ZKSCAN1: variants seen among roughly 807,000 people sequenced by gnomAD.
ZKSCAN1 encodes the protein zinc finger with KRAB and SCAN domains 1.
Under a neutral mutation model 51.6 loss-of-function variants are expected in ZKSCAN1, and 14 were observed. That is an observed-to-expected ratio of 0.27 (90% confidence interval 0.18 to 0.42). The LOEUF (loss-of-function observed/expected upper bound fraction) is 0.42. Ranked by LOEUF, ZKSCAN1 falls within the 10% of genes least tolerant of loss-of-function variation. The probability of loss-of-function intolerance (pLI) is 1.00; values close to 1 mark genes in which losing one functional copy is unlikely to be tolerated. For missense variants in ZKSCAN1, 531 were observed against 710.0 expected (o/e 0.75, Z 2.86); for synonymous variants, 263 against 261.5 (o/e 1.01, Z -0.06).
rs190179974 is a variant in ZKSCAN1 at position 100,034,056 on chromosome 7, C to T, written c.1551C>T (p.Tyr517=). ...GAATTCACACTCGAGAAAAGCCCTA[C>T]AAGTGCACTAAGTGTGGCAAGGCCT... ...HRRIHTREKP[Y]KCTKCGKAFT... Residue 517 remains tyrosine (Y), a synonymous_variant, in exon 6 of 6, where the codon TAC becomes TAT. Coordinates refer to ENST00000324306, the MANE Select transcript of ZKSCAN1 (RefSeq NM_003439.4). The T allele has an allele frequency of 2.2e-5, 36 of 1,613,988 alleles. No homozygotes were observed. The East Asian group carries it at 8.0e-4, about 36-fold the overall frequency.
In ZKSCAN1 at chr7:100,038,015, C is replaced by G; in HGVS notation, c.*3818C>G. The G allele has an allele frequency of 1.0e-6, 1 of 984,414 alleles. No homozygotes were observed. Among genetic ancestry groups the G allele is most frequent in the Non-Finnish European group, 1.2e-6 (1 of 829,636 alleles). The allele number at this position is 984,414 out of a possible 1,614,324, so 61.0% of individuals were successfully genotyped here. A position where few individuals can be genotyped will look rare whatever the true frequency, so the allele number is the denominator to read the frequency against. On this transcript the variant is annotated 3_prime_UTR_variant, in exon 6 of 6. Coordinates refer to ENST00000324306, the MANE Select transcript of ZKSCAN1 (RefSeq NM_003439.4). ...CAGCCTTGAGTGACAGAGCGAGGCT[C>G]TGTATCAAAAAAAAAAGTTGCGGGG...
chr7:100,031,775 A>G (rs1163115871), intron 5 of ZKSCAN1, among the ~76,000 whole-genome samples: 3 of 152,216 alleles, frequency 2.0e-5, no homozygotes, highest in African/African-American at 7.2e-5. Flanking sequence ...GTAGCCTGCC[A>G]GGTTCAAAAC....
At chr7:100,029,676 G>C (rs1791016516) in intron 3 of ZKSCAN1, among the ~76,000 whole-genome samples, 185 bp from the exon 4 acceptor site, 1 of 152,190 alleles carries the variant, frequency 6.6e-6, no homozygotes, top group Admixed American at 6.5e-5. Context: ...TCCTGCTCAA[G>C]AGTAGAGGTC....
chr7:100,041,181 C>G lies in ZKSCAN1; in HGVS notation c.*6984C>G. ...CTGTTTTGTCAGTTCCCAGCTTCTT[C>G]GTTTAGAATAAATTAGACCAAAAGA... is the stretch of plus-strand genomic sequence containing the variant. On this transcript the variant is annotated 3_prime_UTR_variant, in exon 6 of 6. Coordinates refer to ENST00000324306, the MANE Select transcript of ZKSCAN1 (RefSeq NM_003439.4). 2 of 727,082 alleles carry G rather than the reference C, an allele frequency of 2.8e-6. No individual in the cohort carries two copies. Among genetic ancestry groups the G allele is most frequent in the Non-Finnish European group, 3.4e-6 (2 of 594,354 alleles). 45.0% of individuals were successfully genotyped at this position (727,082 alleles called of 1,614,324 possible).
At chr7:100,031,389 C>T (rs1791099391) in intron 5 of ZKSCAN1, among the ~76,000 whole-genome samples, 1 of 151,476 alleles carries the variant, frequency 6.6e-6, no homozygotes, top group Non-Finnish European at 1.5e-5. Flanking sequence ...GCAATCCTCC[C>T]ACCTCAGCCT....
In ZKSCAN1 at chr7:100,036,426, A is replaced by C. The variant is rs1791362812; in HGVS notation, c.*2229A>C. On this transcript the variant is annotated 3_prime_UTR_variant, in exon 6 of 6. Coordinates refer to ENST00000324306, the MANE Select transcript of ZKSCAN1 (RefSeq NM_003439.4). ...GAGCAAGGACTTTTGCCCTCTAGAA[A>C]GCAACTGAGGCCAGGTGCGGTGGCT... is the stretch of plus-strand genomic sequence containing the variant. 7 of 985,332 alleles carry C rather than the reference A, an allele frequency of 7.1e-6. No homozygotes were observed. The highest frequency in any genetic ancestry group is 8.4e-6 in the Non-Finnish European group (7 of 829,956). 61.0% of individuals were successfully genotyped at this position (985,332 alleles called of 1,614,324 possible). A position where few individuals can be genotyped will look rare whatever the true frequency, so the allele number is the denominator to read the frequency against.
rs140348497 is a variant in ZKSCAN1, at chr7:100,023,114, G to A, written c.-88-305G>A. Among the ~76,000 whole-genome samples the A allele has an allele frequency of 5.0e-3, 757 of 152,122 alleles. 8 individuals carry two copies. The highest frequency in any genetic ancestry group is 0.017 in the African/African-American group (716 of 41,482). ...CAACCTCCACCTCCTGGGTTCAAGCGTTTCTCCTGCCTCAGCTTTCCGAGT... is the reference window on the plus strand; with the variant it reads ...CAACCTCCACCTCCTGGGTTCAAGCATTTCTCCTGCCTCAGCTTTCCGAGT... On this transcript the variant is annotated intron_variant, in intron 1 of 5. Transcript: ENST00000324306.
At chr7:100,029,998 C>G (rs1335254078) in intron 4 of ZKSCAN1, 46 bp downstream of exon 4, 2 of 1,599,272 alleles carry the variant, frequency 1.3e-6, no homozygotes, top group African/African-American at 1.3e-5. Flanking sequence ...GTGTCTGCCT[C>G]TGTTCCTGAG....
rs568568974 is a variant in ZKSCAN1, at chr7:100,026,608, T to G, written c.580+2301T>G. On this transcript the variant is annotated intron_variant, in intron 3 of 5. Coordinates refer to ENST00000324306, the MANE Select transcript of ZKSCAN1 (RefSeq NM_003439.4). ...AGGCGTGGTGGTGCATGCCTGTAATTCCAGTTACTCAGGAGGCTGAGGCAC... is the reference window on the plus strand; with the variant it reads ...AGGCGTGGTGGTGCATGCCTGTAATGCCAGTTACTCAGGAGGCTGAGGCAC... 1.8e-3 allele frequency among the ~76,000 whole-genome samples: 279 copies of G among 151,398 alleles called. 1 individual carries two copies. Among genetic ancestry groups the G allele is most frequent in the Non-Finnish European group, 2.8e-3 (187 of 67,766 alleles).
chr7:100,043,824 C>T (rs181176513), downstream of ZKSCAN1, among the ~76,000 whole-genome samples: 1 of 124,466 alleles, frequency 8.0e-6, no homozygotes, highest in Non-Finnish European at 1.6e-5. Context: ...TCTCTGTTGC[C>T]CAAGCTGGAG....
chr7:100,032,968 A>G (rs1373434565), intron 5 of ZKSCAN1, among the ~76,000 whole-genome samples: 1 of 150,890 alleles, frequency 6.6e-6, no homozygotes, highest in African/African-American at 2.4e-5. Flanking sequence ...AGATCACGCC[A>G]TTGCACTCCA....
Position 100,035,901 on chromosome 7 carries a change from T to TA in ZKSCAN1, c.*1705dup. On this transcript the variant is annotated 3_prime_UTR_variant, in exon 6 of 6. Transcript: ENST00000324306. ...CGCCACTCAAGTAGGACAAGGGTCCTACCCAAGGCTAGGACCGCCCTGCGG... is the reference window on the plus strand; with the variant it reads ...CGCCACTCAAGTAGGACAAGGGTCCTAACCCAAGGCTAGGACCGCCCTGCGG... The TA allele has an allele frequency of 1.0e-6, 1 of 985,448 alleles. No homozygotes were observed. The highest frequency in any genetic ancestry group is 1.2e-6 in the Non-Finnish European group (1 of 829,952). The allele number at this position is 985,448 out of a possible 1,614,324, so 61.0% of individuals were successfully genotyped here.
chr7:100,038,482 G>C lies in ZKSCAN1; in HGVS notation c.*4285G>C. On this transcript the variant is annotated 3_prime_UTR_variant, in exon 6 of 6. Transcript: ENST00000324306. ...ATGGAACAACTCCTTTAAACGTGCA[G>C]CCTTTTGAATTTTTCCTCAAAACCA... 1.0e-6 allele frequency: 1 copy of C among 985,422 alleles called. No homozygotes were observed. Among genetic ancestry groups the C allele is most frequent in the Non-Finnish European group, 1.2e-6 (1 of 829,938 alleles). The allele number at this position is 985,422 out of a possible 1,614,324, so 61.0% of individuals were successfully genotyped here. A position where few individuals can be genotyped will look rare whatever the true frequency, so the allele number is the denominator to read the frequency against.
intron 5 of ZKSCAN1, among the ~76,000 whole-genome samples, chr7:100,032,609 CCATCA>C (rs1394621529): frequency 6.6e-6 from 1 of 152,202 alleles, no homozygotes; most frequent in Non-Finnish European, 1.5e-5. Context: ...GCCTGTAATC[CCATCA>C]CTTTGGGAGG....
chr7:100,032,811 A>G (rs1015084552), intron 5 of ZKSCAN1, among the ~76,000 whole-genome samples: 3 of 152,062 alleles, frequency 2.0e-5, no homozygotes, highest in African/African-American at 7.2e-5. Flanking sequence ...GATCGAGACT[A>G]TCCTGGCTAA....
downstream of ZKSCAN1, chr7:100,044,708 A>T: frequency 1.5e-3 from 623 of 404,798 alleles, no homozygotes; most frequent in Middle Eastern, 2.9e-3. Flanking sequence ...AAAAAAAAGT[A>T]GCACTGAATA....
intron 3 of ZKSCAN1, among the ~76,000 whole-genome samples, chr7:100,029,164 CAAAAAAA>C (rs56176717): frequency 0.34 from 41,413 of 120,812 alleles, 6,807 homozygotes; most frequent in African/African-American, 0.45. Flanking sequence ...AACTCTGTCT[CAAAAAAA>C]AAAAAAAAAA....
In ZKSCAN1 at chr7:100,033,722, A is replaced by C. The variant is rs1791218718; in HGVS notation, c.1217A>C (p.Glu406Ala). The C allele has an allele frequency of 6.2e-7, 1 of 1,614,234 alleles. No individual in the cohort carries two copies. The highest frequency in any genetic ancestry group is 8.5e-7 in the Non-Finnish European group (1 of 1,180,042). Residue 406 changes from glutamate to alanine, a missense_variant, in exon 6 of 6, where the codon GAA (glutamate) becomes GCA (alanine). Glu to Ala is a moderately radical substitution (Grantham distance 107, BLOSUM62 -1). Coordinates refer to ENST00000324306, the MANE Select transcript of ZKSCAN1 (RefSeq NM_003439.4). The surrounding 1 kb of genome is among the most constrained non-coding windows in gnomAD (Gnocchi z 4.1). ...KIIHTGEKPY[E>A]CSECGKAFSL... ...ATCCACACTGGAGAAAAGCCCTATG[A>C]ATGTAGTGAGTGTGGGAAAGCCTTC...
chr7:100,030,210 G>GT, intron 4 of ZKSCAN1, 39 bp from the exon 5 acceptor site: 1 of 1,604,338 alleles, frequency 6.2e-7, no homozygotes, highest in Non-Finnish European at 8.5e-7. Flanking sequence ...TTGTCCCTGA[G>GT]TTTGGGGGGA....
Sources: gnomAD v4.1 joint callset for allele counts (sites outside exome capture counted in the v4.1 genomes callset) on GRCh38, gnomAD v4.1.1 for gene constraint, Gnocchi (gnomAD v3.1) non-coding constraint, MANE v1.5 for transcripts, NCBI Gene and HGNC (gene_info 2026-07-23, HGNC 2026-07-21) for gene names.